The following PHACTR3 variants were observed in gnomAD, a reference collection of about 807,000 sequenced individuals.
PHACTR3 encodes protein phosphatase 1, regulatory subunit 123.
In PHACTR3, 16 loss-of-function variants were observed where a neutral mutation model predicts 66.8. That is an observed-to-expected ratio of 0.24 (90% CI 0.16 to 0.36). The LOEUF is 0.36. PHACTR3 is among the 10% of genes least tolerant of loss of function. The probability of loss-of-function intolerance (pLI) is 1.00; values close to 1 mark genes in which losing one functional copy is unlikely to be tolerated. For synonymous variants in PHACTR3, 323 were observed against 292.1 expected (o/e 1.11, Z -1.08); for missense variants, 647 against 719.9 (o/e 0.90, Z 1.16).
At chr20:59,754,076 C>A (rs544825493) in intron 3 of PHACTR3, among the ~76,000 whole-genome samples, 1 of 152,358 alleles carries the variant, frequency 6.6e-6, no homozygotes, top group Admixed American at 6.5e-5. Flanking sequence ...AGGAGTCCTG[C>A]AGGGCTATGT....
chr20:59,604,795 CTGGCTGCAGCCGGCGAGGCTAT>C lies in PHACTR3; in HGVS notation c.-217_-196del. 8.3e-7 allele frequency: 1 copy of C among 1,205,280 alleles called. No homozygotes were observed. The allele number at this position is 1,205,280 out of a possible 1,614,324, so 74.7% of individuals were successfully genotyped here. On this transcript the variant is annotated 5_prime_UTR_variant, in exon 1 of 13. The change abolishes the stop of an existing upstream ORF in the 5' untranslated region. Transcript: ENST00000371015. ...CGAGGCCGCGCACGCCGGGATGCGC[CTGGCTGCAGCCGGCGAGGCTAT>C]TGTCTCCCCGCCCTGAAGCCAGCCC...
At chr20:59,742,663 G>C (rs1237173376) in intron 1 of PHACTR3, among the ~76,000 whole-genome samples, 1 of 152,212 alleles carries the variant, frequency 6.6e-6, no homozygotes, top group African/African-American at 2.4e-5. Context: ...AGACAAGGGA[G>C]TGACCCTGTC....
At chr20:59,633,867 A>C (rs1242149716) in intron 1 of PHACTR3, among the ~76,000 whole-genome samples, 1 of 152,198 alleles carries the variant, frequency 6.6e-6, no homozygotes, top group Non-Finnish European at 1.5e-5. Flanking sequence ...TAACACAATT[A>C]ATTATTTAGG....
chr20:59,804,151 A>G (rs1341473552), intron 7 of PHACTR3, among the ~76,000 whole-genome samples: 1 of 152,216 alleles, frequency 6.6e-6, no homozygotes, highest in Non-Finnish European at 1.5e-5. Context: ...GGTGAAGATC[A>G]GTCAGATCTG....
chr20:59,823,807 A>G (rs1367658119), intron 8 of PHACTR3, among the ~76,000 whole-genome samples: 4 of 152,220 alleles, frequency 2.6e-5, no homozygotes, highest in African/African-American at 7.2e-5. Context: ...CTTAGTTTTC[A>G]TGGAATTTAC....
chr20:59,653,030 A>G (rs1246527331), intron 1 of PHACTR3, among the ~76,000 whole-genome samples: 2 of 152,188 alleles, frequency 1.3e-5, no homozygotes, highest in Non-Finnish European at 2.9e-5. Flanking sequence ...TGAGACTTCT[A>G]TGAGTGTACT....
At chr20:59,711,271 G>A (rs182754780) in intron 1 of PHACTR3, among the ~76,000 whole-genome samples, 41 of 152,274 alleles carry the variant, frequency 2.7e-4, no homozygotes, top group Admixed American at 2.6e-3. Flanking sequence ...GTAAGGCTTT[G>A]TCTCTATCTC....
intron 12 of PHACTR3, among the ~76,000 whole-genome samples, chr20:59,846,181 A>ATT (rs1403705137): frequency 2.6e-5 from 4 of 152,174 alleles, no homozygotes; most frequent in Non-Finnish European, 4.4e-5. Context: ...ACTGCCTTAA[A>ATT]CTAAAATAAT....
intron 1 of PHACTR3, among the ~76,000 whole-genome samples, chr20:59,663,175 C>G (rs71321549): frequency 6.6e-6 from 1 of 152,230 alleles, no homozygotes; most frequent in Non-Finnish European, 1.5e-5. Flanking sequence ...TAGAATGACA[C>G]AGTCATTGGG....
At chr20:59,765,463 A>G (rs1263282756) in intron 4 of PHACTR3, among the ~76,000 whole-genome samples, 3 of 152,016 alleles carry the variant, frequency 2.0e-5, no homozygotes, top group African/African-American at 7.3e-5. Context: ...GTTGAGGGAG[A>G]ACAACACATA....
chr20:59,585,191 C>T (rs2032986398), intron 1 of PHACTR3, among the ~76,000 whole-genome samples: 1 of 152,152 alleles, frequency 6.6e-6, no homozygotes, highest in Non-Finnish European at 1.5e-5. Context: ...ACATCACAGT[C>T]CCACTTCTGC....
At chr20:59,587,613 C>T (rs577380235) in intron 1 of PHACTR3, among the ~76,000 whole-genome samples, 64 of 152,214 alleles carry the variant, frequency 4.2e-4, no homozygotes, top group Non-Finnish European at 8.1e-4. Context: ...GTCTCAGCAG[C>T]GCTGTGCTGT....
At position 59,665,347 on chromosome 20, in the gene PHACTR3, C is replaced by T. The variant is rs1286586420; in HGVS notation, c.118+60215C>T. On this transcript the variant is annotated intron_variant, in intron 1 of 12. Transcript: ENST00000371015. ...ATGCAGAATTGCCATTTGGAAGGGT[C>T]GTGCTGACTTGTGATGCCACCAAAG... Among the ~76,000 whole-genome samples the T allele has an allele frequency of 5.9e-5, 9 of 152,218 alleles. No individual in the cohort carries two copies. In the South Asian group the frequency reaches 1.7e-3, roughly 28 times the overall value.
intron 1 of PHACTR3, among the ~76,000 whole-genome samples, chr20:59,624,630 T>TCCCTACC (rs1181575720): frequency 6.6e-6 from 1 of 151,992 alleles, no homozygotes; most frequent in Non-Finnish European, 1.5e-5. Flanking sequence ...GCCACCTCAG[T>TCCCTACC]CCCTACCGGA....
chr20:59,601,284 T>C (rs2033472371), upstream of PHACTR3, among the ~76,000 whole-genome samples: 1 of 152,256 alleles, frequency 6.6e-6, no homozygotes, highest in Non-Finnish European at 1.5e-5. Context: ...TGCATGTGAT[T>C]GTGGCACATG....
intron 1 of PHACTR3, among the ~76,000 whole-genome samples, chr20:59,662,999 G>C (rs2146481872): frequency 6.6e-6 from 1 of 152,354 alleles, no homozygotes; most frequent in Admixed American, 6.5e-5. Context: ...CAAGGCATCA[G>C]TAGGGCTGAA....
chr20:59,845,947 A>G (rs1183725940), intron 12 of PHACTR3, among the ~76,000 whole-genome samples: 1 of 152,064 alleles, frequency 6.6e-6, no homozygotes, highest in Non-Finnish European at 1.5e-5. Context: ...AAAAGATTTA[A>G]CTCTCTTTAC....
chr20:59,777,015 A>G (rs1003163159), intron 7 of PHACTR3, among the ~76,000 whole-genome samples: 1 of 152,194 alleles, frequency 6.6e-6, no homozygotes, highest in African/African-American at 2.4e-5. Flanking sequence ...CTGCAGTTCT[A>G]GAAGCTAGAA....
intron 1 of PHACTR3, among the ~76,000 whole-genome samples, chr20:59,622,981 C>CAAAAAAAAAAAAAAAAAAAAA (rs71183177): frequency 0.11 from 3,681 of 32,032 alleles, 1,280 homozygotes; most frequent in Non-Finnish European, 0.16. Flanking sequence ...CAGCTTTAAC[C>CAAAAAAAAAAAAAAAAAAAAA]AAAAAAAAAA....
Sources: allele counts gnomAD v4.1 joint callset (sites outside exome capture counted in the v4.1 genomes callset), GRCh38; gene constraint gnomAD v4.1.1; transcripts MANE v1.5; gene names NCBI Gene and HGNC (gene_info 2026-07-23, HGNC 2026-07-21).